C12orf50: variants seen among roughly 807,000 people sequenced by gnomAD.
The protein encoded by C12orf50 is zinc finger CCCH-type containing 11D, also known as uncharacterized protein C12orf50.
C12orf50 carries 35 observed loss-of-function variants against 61.6 expected under a neutral mutation model. The observed-to-expected ratio is 0.57, with a 90% CI of 0.43 to 0.75. The LOEUF (loss-of-function observed/expected upper bound fraction) is 0.75. Ranked by LOEUF, C12orf50 falls within the 30% of genes least tolerant of loss-of-function variation. The probability of loss-of-function intolerance (pLI) is 0.00; values close to 1 mark genes in which losing one functional copy is unlikely to be tolerated. For missense variants in C12orf50, 475 were observed against 488.5 expected, an observed-to-expected ratio of 0.97 and a Z score of 0.26; for synonymous variants, 178 against 161.5, an observed-to-expected ratio of 1.10 and a Z score of -0.77.
At chr12:88,016,807 A>G (rs1403155464) in intron 3 of C12orf50, among the ~76,000 whole-genome samples, 2 of 152,188 alleles carry the variant, frequency 1.3e-5, no homozygotes, top group African/African-American at 4.8e-5. Flanking sequence ...ACAAATAGAC[A>G]TATTAAACCA....
intron 3 of C12orf50, among the ~76,000 whole-genome samples, chr12:88,019,733 AAAAC>A (rs757918281): frequency 4.6e-5 from 7 of 152,172 alleles, no homozygotes; most frequent in Non-Finnish European, 8.8e-5. Context: ...AGGTAGAAGA[AAAAC>A]AAAGAAACCA....
At chr12:88,028,030 C>G (rs2032771353) in intron 1 of C12orf50, 1 of 152,194 alleles carries the variant, frequency 6.6e-6, no homozygotes, top group Non-Finnish European at 1.5e-5. Flanking sequence ...CTCATACTCT[C>G]TGTGCTTCAG....
chr12:87,983,241 C>A (rs746739113), intron 11 of C12orf50, 46 bp from the exon 12 acceptor site: 2 of 1,298,640 alleles, frequency 1.5e-6, no homozygotes, highest in African/African-American at 1.5e-5. Context: ...ACTTTAAAAT[C>A]ATATTCCAAG....
chr12:88,020,499 T>C (rs2032476026), intron 3 of C12orf50, among the ~76,000 whole-genome samples: 1 of 152,146 alleles, frequency 6.6e-6, no homozygotes, highest in South Asian at 2.1e-4. Context: ...CTATCCTAAA[T>C]ATATACACAT....
chr12:88,018,524 C>A (rs1393583139), intron 3 of C12orf50, among the ~76,000 whole-genome samples: 1 of 152,218 alleles, frequency 6.6e-6, no homozygotes, highest in Non-Finnish European at 1.5e-5. Flanking sequence ...CCTACTGGAG[C>A]ACTGCTTAGT....
At position 87,985,869 on chromosome 12, in the gene C12orf50, G is replaced by C. The variant is rs2030786699; in HGVS notation, c.1107C>G (p.Pro369=). 10 of 1,612,926 alleles carry C rather than the reference G, an allele frequency of 6.2e-6. No homozygotes were observed. Among genetic ancestry groups the C allele is most frequent in the Middle Eastern group, 1.9e-4 (1 of 5,274 alleles). ...SYNKVHANRE[P]KPNLSPDKYT... Reference sequence around the variant, plus strand: ...CCTCACCTGGACTGAGGTTGGGTTTGGGTTCCCTGTTAGCATGGACTTTAT... The same window carrying C: ...CCTCACCTGGACTGAGGTTGGGTTTCGGTTCCCTGTTAGCATGGACTTTAT... The change falls in exon 11 of 13, where the codon CCC becomes CCG. Residue 369 remains proline (P), a synonymous_variant. Transcript: ENST00000298699.
rs1004891726 is a variant in C12orf50 at position 87,985,916 on chromosome 12, T to C, written c.1060A>G (p.Arg354Gly). 1 of 1,613,864 alleles carries C rather than the reference T, an allele frequency of 6.2e-7. No individual in the cohort carries two copies. Among genetic ancestry groups the C allele is most frequent in the Non-Finnish European group, 8.5e-7 (1 of 1,179,884 alleles). Residue 354 changes from arginine to glycine, a missense_variant, in exon 11 of 13, where the codon AGG becomes GGG. Physicochemically the swap from Arg to Gly is moderately radical, Grantham distance 125 (BLOSUM62 -2). Coordinates refer to ENST00000298699, the MANE Select transcript of C12orf50 (RefSeq NM_152589.3). The stretch of plus-strand genomic sequence containing the variant: ...TTATTGTAGGACCCATGCGTGGGCC[T>C]GCTGCGGGAAGGTGCATTCAACGCG... ...TVALNAPSRS[R>G]PTHGSYNKVH...
At chr12:87,996,808 T>C (rs929962967) in intron 4 of C12orf50, among the ~76,000 whole-genome samples, 162 bp from the exon 5 acceptor site, 2 of 152,222 alleles carry the variant, frequency 1.3e-5, no homozygotes, top group Non-Finnish European at 2.9e-5. Context: ...TTCAAATTGC[T>C]ACATTTTAAG....
intron 12 of C12orf50, among the ~76,000 whole-genome samples, chr12:87,982,109 T>C (rs1023786227): frequency 6.6e-6 from 1 of 151,998 alleles, no homozygotes; most frequent in African/African-American, 2.4e-5. Flanking sequence ...CCCTTAATAC[T>C]CCAAATATCA....
At position 87,986,426 on chromosome 12, in the gene C12orf50, G is replaced by T. The variant is rs750036498; in HGVS notation, c.818-10C>A. On this transcript the variant is annotated splice_polypyrimidine_tract_variant and intron_variant, in intron 9 of 12. Transcript: ENST00000298699. ...GGCTGGACATCATTCACTTAGAAAA[G>T]ATACAAATTTTACAATTTTTTAAGA... 1.3e-6 allele frequency: 2 copies of T among 1,582,476 alleles called. No individual in the cohort carries two copies. The highest frequency in any genetic ancestry group is 2.3e-5 in the South Asian group (2 of 86,618).
chr12:87,996,589 T>A lies in C12orf50; in HGVS notation c.347A>T (p.Lys116Met), dbSNP rs779411387. 1.9e-6 allele frequency: 3 copies of A among 1,609,318 alleles called. No homozygotes were observed. The highest frequency in any genetic ancestry group is 1.7e-5 in the Admixed American group (1 of 59,978). Residue 116 changes from lysine to methionine, a missense_variant, in exon 5 of 13, where the codon AAG becomes ATG. Lys to Met is a moderately conservative substitution (Grantham distance 95, BLOSUM62 -1). Transcript: ENST00000298699. ...CTTACCAGATTTATAACACATCTCC[T>A]TTATTGCTCTTTTTTCTTCAATTTC... ...PEEIEEKRAI[K>M]EMCYKSGEYY...
intron 3 of C12orf50, among the ~76,000 whole-genome samples, chr12:88,001,687 ATTTTTTTC>A (rs2031661287): frequency 6.6e-6 from 1 of 151,162 alleles, no homozygotes; most frequent in South Asian, 2.1e-4. Context: ...GATGTATTCA[ATTTTTTTC>A]TTTTTTTCTA....
At chr12:88,003,642 C>T (rs1350312810) in intron 3 of C12orf50, among the ~76,000 whole-genome samples, 4 of 152,012 alleles carry the variant, frequency 2.6e-5, no homozygotes, top group Non-Finnish European at 5.9e-5. Flanking sequence ...GTGATTACTG[C>T]CTGTATTGTT....
chr12:88,010,204 T>A (rs1195434214), intron 3 of C12orf50, among the ~76,000 whole-genome samples: 1 of 152,026 alleles, frequency 6.6e-6, no homozygotes, highest in South Asian at 2.1e-4. Flanking sequence ...AGTGCTAGAC[T>A]GTCCTAATCT....
Position 87,987,966 on chromosome 12 carries a change from T to A in C12orf50, c.701A>T (p.Asp234Val). The change falls in exon 9 of 13, where the codon GAT (aspartate) becomes GTT (valine). Residue 234 changes from aspartate (D) to valine (V), a missense_variant and splice_region_variant. By Grantham distance (152) the Asp-to-Val change is radical (BLOSUM62 -3). Transcript: ENST00000298699. ...CTTTGGATGAGGACTGTCCTTGTTA[T>A]CTTTTAAAGCAAATTAAGAAAATAA... is the stretch of plus-strand genomic sequence containing the variant. ...ITISKCSNTKDNKDSPHPKHS... is the reference protein window; with the variant it reads ...ITISKCSNTKVNKDSPHPKHS... The A allele has an allele frequency of 1.9e-6, 3 of 1,564,104 alleles. No homozygotes were observed. The highest frequency in any genetic ancestry group is 2.6e-6 in the Non-Finnish European group (3 of 1,143,224).
At chr12:87,999,567 G>A (rs942197928) in intron 3 of C12orf50, among the ~76,000 whole-genome samples, 4 of 152,154 alleles carry the variant, frequency 2.6e-5, no homozygotes, top group African/African-American at 9.7e-5. Context: ...CACTGCAGTT[G>A]GGAATGAAAA....
rs766348006 is a variant in C12orf50, at chr12:87,983,170, A to G, written c.1152T>C (p.Asn384=). 1.9e-6 allele frequency: 3 copies of G among 1,603,600 alleles called. No individual in the cohort carries two copies. In the Admixed American group the frequency reaches 5.1e-5, roughly 27 times the overall value. Residue 384 remains asparagine (N), a synonymous_variant, in exon 12 of 13, where the codon AAT becomes AAC. Coordinates refer to ENST00000298699, the MANE Select transcript of C12orf50 (RefSeq NM_152589.3). ...SPDKYTSTSY[N]DSAWRKRIPF... is the part of the protein sequence containing the mutation. ...GAATTCGTTTTCGCCAGGCTGAATC[A>G]TTATATGATGTTGACGTATATTTGT... is the stretch of plus-strand genomic sequence containing the variant.
At chr12:88,002,461 T>C (rs547828945) in intron 3 of C12orf50, among the ~76,000 whole-genome samples, 59 of 151,974 alleles carry the variant, frequency 3.9e-4, no homozygotes, top group African/African-American at 1.4e-3. Flanking sequence ...TTTACAATTG[T>C]TAAATGGAGT....
At chr12:88,015,240 T>C (rs376823018) in intron 3 of C12orf50, among the ~76,000 whole-genome samples, 6 of 152,330 alleles carry the variant, frequency 3.9e-5, no homozygotes, top group Middle Eastern at 3.4e-3. Context: ...AATTAGTGTG[T>C]GTGTACTGAC....
Sources: gnomAD v4.1 joint callset for allele counts (sites outside exome capture counted in the v4.1 genomes callset) on GRCh38, gnomAD v4.1.1 for gene constraint, MANE v1.5 for transcripts, NCBI Gene and HGNC (gene_info 2026-07-23, HGNC 2026-07-21) for gene names.